PNO1: variants seen among roughly 807,000 people sequenced by gnomAD.
PNO1 encodes RNA-binding protein PNO1.
PNO1 carries 16 observed loss-of-function variants against 28.4 expected under a neutral mutation model. That is an observed-to-expected ratio of 0.56 (90% CI 0.38 to 0.85). The LOEUF (loss-of-function observed/expected upper bound fraction) is 0.85, where lower values mean the gene tolerates loss of function less well. PNO1 is among the 40% of genes least tolerant of loss of function. The probability of loss-of-function intolerance (pLI) is 0.00; values close to 1 mark genes in which losing one functional copy is unlikely to be tolerated. For missense variants in PNO1, 304 were observed against 312.2 expected (o/e 0.97, Z 0.20); for synonymous variants, 115 against 110.8 (o/e 1.04, Z -0.24).
chr2:68,169,786 AT>A (rs1199907064), intron 5 of PNO1, among the ~76,000 whole-genome samples: 6 of 152,084 alleles, frequency 3.9e-5, no homozygotes, highest in Non-Finnish European at 5.9e-5. Flanking sequence ...TTTTTTTGAC[AT>A]TTCTACGATA....
intron 5 of PNO1, among the ~76,000 whole-genome samples, chr2:68,169,843 G>A (rs919167640): frequency 6.6e-6 from 1 of 152,016 alleles, no homozygotes; most frequent in Admixed American, 6.6e-5. Context: ...ATATCTTCCA[G>A]TATATGTGTT....
chr2:68,161,913 T>C, intron 3 of PNO1, 147 bp downstream of exon 3: 2 of 625,862 alleles, frequency 3.2e-6, no homozygotes, highest in South Asian at 3.8e-5. Flanking sequence ...GGCAGGTGGA[T>C]CACTTGAGGC....
rs1450793362 is a variant in PNO1, at chr2:68,157,899, C to G, written c.-36C>G. On this transcript the variant is annotated 5_prime_UTR_variant, in exon 1 of 7. Coordinates refer to ENST00000263657, the MANE Select transcript of PNO1 (RefSeq NM_020143.4). ...GGCTTCTGCGTGGTGCAGCTGCGCA[C>G]GTGTTTCAGCCGGCAGCGCTTTAAG... 6.3e-7 allele frequency: 1 copy of G among 1,584,292 alleles called. No homozygotes were observed. Among genetic ancestry groups the G allele is most frequent in the Non-Finnish European group, 8.7e-7 (1 of 1,154,158 alleles).
At chr2:68,162,818 A>G (rs1297529906) in intron 5 of PNO1, among the ~76,000 whole-genome samples, 155 bp downstream of exon 5, 1 of 152,262 alleles carries the variant, frequency 6.6e-6, no homozygotes, top group African/African-American at 2.4e-5. Context: ...TGAAAATATC[A>G]TAAGTCTAAA....
chr2:68,161,053 AGTT>A (rs776577110), intron 2 of PNO1, among the ~76,000 whole-genome samples: 3 of 152,206 alleles, frequency 2.0e-5, no homozygotes, highest in South Asian at 2.1e-4. Context: ...TAACATTCAA[AGTT>A]GTTGTGAAGG....
At chr2:68,162,716 GTT>G in intron 5 of PNO1, 53 bp downstream of exon 5, 1 of 1,176,418 alleles carries the variant, frequency 8.5e-7, no homozygotes, top group Non-Finnish European at 1.3e-6. Context: ...TTGATCTTTT[GTT>G]TTAAGAAAGT....
Position 68,158,473 on chromosome 2 carries a change from G to A in PNO1, c.301G>A (p.Glu101Lys), listed in dbSNP as rs554119597. Residue 101 changes from glutamate to lysine, a missense_variant, in exon 2 of 7, where the codon GAA becomes AAA. By Grantham distance (56) the Glu-to-Lys change is moderately conservative. Transcript: ENST00000263657. Reference sequence around the variant, plus strand: ...GATGAAGATATTTACTCCTATTGTGGAACATTTGGGACTTCAGATACGCTT... The same window carrying A: ...GATGAAGATATTTACTCCTATTGTGAAACATTTGGGACTTCAGATACGCTT... ...NWMKIFTPIV[E>K]HLGLQIRFNL... is the part of the protein sequence containing the mutation. 1.4e-5 allele frequency: 22 copies of A among 1,613,612 alleles called. No homozygotes were observed. Among genetic ancestry groups the A allele is most frequent in the Middle Eastern group, 3.3e-4 (2 of 6,060 alleles).
At chr2:68,165,545 C>CA (rs36126325) in intron 5 of PNO1, among the ~76,000 whole-genome samples, 43,507 of 67,086 alleles carry the variant, frequency 0.65, 14,024 homozygotes, top group South Asian at 0.7. Context: ...GACTCCATCT[C>CA]AAAAAAAAAA....
Position 68,162,251 on chromosome 2 carries a change from T to TTTTTATATTATATTATATTG in PNO1, c.442-2_442-1insTTATATTGTTTTATATTATA. 2.5e-6 allele frequency: 4 copies of TTTTTATATTATATTATATTG among 1,602,420 alleles called. No individual in the cohort carries two copies. Among genetic ancestry groups the TTTTTATATTATATTATATTG allele is most frequent in the Non-Finnish European group, 3.4e-6 (4 of 1,171,304 alleles). ...AATGGAAGGGGCTTCACGGTGTTTG[T>TTTTTATATTATATTATATTG]TTTTATATTATAGGATGCACTTGCC... On this transcript the variant is annotated splice_polypyrimidine_tract_variant and intron_variant, in intron 3 of 6. Coordinates refer to ENST00000263657, the MANE Select transcript of PNO1 (RefSeq NM_020143.4).
intron 3 of PNO1, 43 bp from the exon 4 acceptor site, chr2:68,162,222 T>A: frequency 6.9e-7 from 1 of 1,452,504 alleles, no homozygotes; most frequent in Non-Finnish European, 9.6e-7. Context: ...TTTTCAGGTG[T>A]GCAAATGGAA....
chr2:68,168,436 G>A (rs1368612654), intron 5 of PNO1, among the ~76,000 whole-genome samples: 1 of 152,190 alleles, frequency 6.6e-6, no homozygotes, highest in Non-Finnish European at 1.5e-5. Flanking sequence ...AATCAAAGCT[G>A]TAGTTACTGT....
chr2:68,167,413 GC>G (rs977759861), intron 5 of PNO1, among the ~76,000 whole-genome samples: 2 of 152,210 alleles, frequency 1.3e-5, no homozygotes, highest in Non-Finnish European at 2.9e-5. Context: ...CAGAAAAAGA[GC>G]TCTCCTTGTG....
intron 2 of PNO1, among the ~76,000 whole-genome samples, chr2:68,160,700 A>C (rs990426006): frequency 4.6e-5 from 7 of 152,292 alleles, no homozygotes; most frequent in Admixed American, 4.6e-4. Flanking sequence ...TAATAAGGGA[A>C]ATTTTCTATT....
At chr2:68,163,224 C>T (rs1294885226) in intron 5 of PNO1, among the ~76,000 whole-genome samples, 1 of 152,130 alleles carries the variant, frequency 6.6e-6, no homozygotes, top group Non-Finnish European at 1.5e-5. Flanking sequence ...GAAATTATTA[C>T]AGGTGAAGAT....
chr2:68,158,177 A>G (rs1673721382), intron 1 of PNO1, 36 bp downstream of exon 1: 2 of 1,543,036 alleles, frequency 1.3e-6, no homozygotes, highest in Non-Finnish European at 1.8e-6. Context: ...CAACGAGGCA[A>G]GGGCCAGACG....
chr2:68,158,176 A>G (rs754584608), intron 1 of PNO1, 35 bp downstream of exon 1: 54 of 1,545,772 alleles, frequency 3.5e-5, no homozygotes, highest in Non-Finnish European at 4.6e-5. Flanking sequence ...GCAACGAGGC[A>G]AGGGCCAGAC....
At chr2:68,173,612 T>C (rs1454969069) in intron 6 of PNO1, among the ~76,000 whole-genome samples, 195 bp downstream of exon 6, 3 of 136,124 alleles carry the variant, frequency 2.2e-5, no homozygotes, top group African/African-American at 5.7e-5. Flanking sequence ...AGCCAGAGTC[T>C]CGCTGTGTCG....
intron 2 of PNO1, among the ~76,000 whole-genome samples, chr2:68,159,996 T>C (rs1460154823): frequency 1.5e-5 from 2 of 136,508 alleles, no homozygotes; most frequent in African/African-American, 5.8e-5. Context: ...TGAGATAGAG[T>C]CTTGCTCCGT....
At chr2:68,162,229 G>A in intron 3 of PNO1, 36 bp from the exon 4 acceptor site, 1 of 1,524,172 alleles carries the variant, frequency 6.6e-7, no homozygotes, top group South Asian at 1.1e-5. Flanking sequence ...GTGTGCAAAT[G>A]GAAGGGGCTT....
Sources: allele counts gnomAD v4.1 joint callset (sites outside exome capture counted in the v4.1 genomes callset), GRCh38; gene constraint gnomAD v4.1.1; transcripts MANE v1.5; gene names NCBI Gene and HGNC (gene_info 2026-07-23, HGNC 2026-07-21).